The following ITGB3 variants were observed in gnomAD, a reference collection of about 807,000 sequenced individuals.
The protein encoded by ITGB3 is integrin subunit beta 3, also known as integrin beta-3.
Under a neutral mutation model 85.8 loss-of-function variants are expected in ITGB3, and 48 were observed. That is an observed-to-expected ratio of 0.56 (90% CI 0.44 to 0.71). The LOEUF (loss-of-function observed/expected upper bound fraction) is 0.71. Ranked by LOEUF, ITGB3 falls within the 30% of genes least tolerant of loss-of-function variation. The probability of loss-of-function intolerance (pLI) is 0.00; values close to 1 mark genes in which losing one functional copy is unlikely to be tolerated. For synonymous variants in ITGB3, 363 were observed against 395.6 expected (o/e 0.92, Z 0.98); for missense variants, 861 against 1,019.1 (o/e 0.84, Z 2.11).
Position 47,299,912 on chromosome 17 carries a change from T to G in ITGB3, c.1913+382T>G, listed in dbSNP as rs550033187. Among the ~76,000 whole-genome samples, 2,656 of 152,268 alleles carry G rather than the reference T, an allele frequency of 0.017. 69 individuals are homozygous for G. The highest frequency in any genetic ancestry group is 0.061 in the African/African-American group (2,540 of 41,544). On this transcript the variant is annotated intron_variant, in intron 11 of 14. Coordinates refer to ENST00000559488, the MANE Select transcript of ITGB3 (RefSeq NM_000212.3). This position sits in a 1 kb window ranked among gnomAD's most constrained non-coding sequence, Gnocchi z 5.1. ...GTGAAACTACTACAAACCTCCCACTTTAGGGGCCAGAGGAAGCCCCATCAG... is the reference window on the plus strand; with the variant it reads ...GTGAAACTACTACAAACCTCCCACTGTAGGGGCCAGAGGAAGCCCCATCAG...
At chr17:47,255,456 G>A (rs1397557244) in intron 1 of ITGB3, among the ~76,000 whole-genome samples, 1 of 151,730 alleles carries the variant, frequency 6.6e-6, no homozygotes, top group Non-Finnish European at 1.5e-5. Context: ...ATGGACTCTC[G>A]CTGTCGCCAG....
At chr17:47,261,953 C>A (rs1451007323) in intron 1 of ITGB3, among the ~76,000 whole-genome samples, 1 of 152,206 alleles carries the variant, frequency 6.6e-6, no homozygotes, top group Non-Finnish European at 1.5e-5. Context: ...TTTACTTAAC[C>A]AATTCCCTGT....
At chr17:47,308,277 A>G (rs969393343) in intron 14 of ITGB3, among the ~76,000 whole-genome samples, 44 of 152,114 alleles carry the variant, frequency 2.9e-4, no homozygotes, top group African/African-American at 1.0e-3. Context: ...AGAACTTTCT[A>G]TATACTTAAT....
rs752762243 is a variant in ITGB3 at position 47,284,408 on chromosome 17, A to T, written c.362-35A>T. ...TCTGCTTATTCAATCTTGGTGGGAG[A>T]AGAAGATAAAAACTAACATCTTTCT... On this transcript the variant is annotated intron_variant, in intron 3 of 14. Coordinates refer to ENST00000559488, the MANE Select transcript of ITGB3 (RefSeq NM_000212.3). The T allele has an allele frequency of 3.1e-6, 5 of 1,613,008 alleles. No homozygotes were observed. In the East Asian group the frequency reaches 1.1e-4, roughly 36 times the overall value.
intron 6 of ITGB3, among the ~76,000 whole-genome samples, chr17:47,288,217 A>AGAGG (rs1051962193): frequency 7.6e-6 from 1 of 132,326 alleles, no homozygotes; most frequent in African/African-American, 2.8e-5. Context: ...AGAGAGAGAG[A>AGAGG]GAGAGAGAGA....
Position 47,283,229 on chromosome 17 carries a change from C to T in ITGB3, c.166-125C>T, listed in dbSNP as rs1195580439. The T allele has an allele frequency of 7.5e-6, 7 of 933,890 alleles. No individual in the cohort carries two copies. In the East Asian group the frequency reaches 1.8e-4, roughly 24 times the overall value. The allele number at this position is 933,890 out of a possible 1,614,324, so 57.9% of individuals were successfully genotyped here. ...GGGATTATCCCAGGAAAGACCACAA[C>T]AATTTGTTTATGCTCCAATGTACGG... On this transcript the variant is annotated intron_variant, in intron 2 of 14. Transcript: ENST00000559488.
intron 1 of ITGB3, among the ~76,000 whole-genome samples, chr17:47,270,264 T>C (rs1441802882): frequency 6.6e-6 from 1 of 152,212 alleles, no homozygotes; most frequent in Non-Finnish European, 1.5e-5. Flanking sequence ...TGATGTCTTC[T>C]TGTGCTTCTG....
intron 1 of ITGB3, among the ~76,000 whole-genome samples, chr17:47,258,305 A>T (rs1299970463): frequency 6.6e-6 from 1 of 151,744 alleles, no homozygotes; most frequent in Non-Finnish European, 1.5e-5. Context: ...CAGGGAAATG[A>T]CTCTGTTTAG....
rs2065218516 is a variant in ITGB3, at chr17:47,312,320, AG to A, written c.*2117del. ...AACATTGAGAATAAGCCTTGGAATT[AG>A]ATATGGGGCAATGACTGAGCCCTGT... On this transcript the variant is annotated 3_prime_UTR_variant, in exon 15 of 15. Coordinates refer to ENST00000559488, the MANE Select transcript of ITGB3 (RefSeq NM_000212.3). Among the ~76,000 whole-genome samples, 2 of 152,238 alleles carry A rather than the reference AG, an allele frequency of 1.3e-5. No individual in the cohort carries two copies. Among genetic ancestry groups the A allele is most frequent in the African/African-American group, 4.8e-5 (2 of 41,454 alleles).
At chr17:47,304,433 T>C (rs555900030) in intron 13 of ITGB3, among the ~76,000 whole-genome samples, 1 of 152,358 alleles carries the variant, frequency 6.6e-6, no homozygotes, top group South Asian at 2.1e-4. Context: ...AAATGGAATT[T>C]AACCACATGG....
intron 2 of ITGB3, 47 bp downstream of exon 2, chr17:47,274,551 T>G: frequency 6.5e-7 from 1 of 1,538,994 alleles, no homozygotes. Flanking sequence ...ACTAAGCTGC[T>G]TTTGTGCAGA....
Position 47,299,581 on chromosome 17 carries a change from C to A in ITGB3, c.1913+51C>A. ...GGGAGGCTGGGAGGTAGGAGAGGAT[C>A]CCCTGACTAGAATCCCCAGCTCTCC... On this transcript the variant is annotated intron_variant, in intron 11 of 14. Transcript: ENST00000559488. This position sits in a 1 kb window ranked among gnomAD's most constrained non-coding sequence, Gnocchi z 5.1. The A allele has an allele frequency of 6.6e-7, 1 of 1,521,608 alleles. No homozygotes were observed. Among genetic ancestry groups the A allele is most frequent in the Non-Finnish European group, 9.1e-7 (1 of 1,102,712 alleles). The allele number at this position is 1,521,608 out of a possible 1,614,324, so 94.3% of individuals were successfully genotyped here. A position where few individuals can be genotyped will look rare whatever the true frequency, so the allele number is the denominator to read the frequency against.
intron 13 of ITGB3, among the ~76,000 whole-genome samples, chr17:47,304,484 G>A (rs888171796): frequency 2.6e-5 from 4 of 152,202 alleles, no homozygotes; most frequent in Admixed American, 1.3e-4. Context: ...CCCAGATGGG[G>A]TTACCAAATA....
intron 1 of ITGB3, among the ~76,000 whole-genome samples, chr17:47,267,174 A>C (rs1420153738): frequency 6.6e-6 from 1 of 152,204 alleles, no homozygotes; most frequent in Non-Finnish European, 1.5e-5. Flanking sequence ...AGAGTTTTAC[A>C]GGGTTTGGTT....
chr17:47,303,678 GC>G (rs1369226465), intron 13 of ITGB3: 6 of 152,352 alleles, frequency 3.9e-5, no homozygotes, highest in African/African-American at 1.4e-4. Context: ...CCTTCTGGGA[GC>G]AGGAGGAATC....
intron 1 of ITGB3, among the ~76,000 whole-genome samples, chr17:47,254,279 C>G (rs2064979760): frequency 6.6e-6 from 1 of 151,988 alleles, no homozygotes; most frequent in Non-Finnish European, 1.5e-5. Flanking sequence ...GCGGGTGGTC[C>G]TGGTCGGGCC....
rs1432667091 is a variant in ITGB3, at chr17:47,307,622, A to G, written c.2286A>G (p.Arg762=). The change falls in exon 14 of 15, where the codon AGA becomes AGG. Residue 762 remains arginine (R), a synonymous_variant. Transcript: ENST00000559488. The stretch of plus-strand genomic sequence containing the variant: ...CTAAATTTGAGGAAGAACGCGCCAG[A>G]GCAAAATGGGACACAGTAAGAGACG... ...EFAKFEEERA[R]AKWDTANNPL... 6.2e-7 allele frequency: 1 copy of G among 1,614,118 alleles called. No individual in the cohort carries two copies. The highest frequency in any genetic ancestry group is 1.3e-5 in the African/African-American group (1 of 74,944).
At chr17:47,292,889 T>C (rs1024905853) in intron 10 of ITGB3, among the ~76,000 whole-genome samples, 2 of 152,182 alleles carry the variant, frequency 1.3e-5, no homozygotes, top group Admixed American at 6.5e-5. Context: ...ATGCAAGACA[T>C]TGGAGTGTGC....
chr17:47,284,622 G>A lies in ITGB3; in HGVS notation c.541G>A (p.Ala181Thr). 1 of 1,614,076 alleles carries A rather than the reference G, an allele frequency of 6.2e-7. No homozygotes were observed. Among genetic ancestry groups the A allele is most frequent in the African/African-American group, 1.3e-5 (1 of 74,994 alleles). The change falls in exon 4 of 15, where the codon GCA becomes ACA. Residue 181 changes from alanine to threonine, a missense_variant. Transcript: ENST00000559488. Reference sequence around the variant, plus strand: ...CAGTAACCTGCGGATTGGCTTCGGGGCATTTGTGGACAAGCCTGTGTCACC... The same window carrying A: ...CAGTAACCTGCGGATTGGCTTCGGGACATTTGTGGACAAGCCTGTGTCACC... The part of the protein sequence containing the change: ...LTSNLRIGFG[A>T]FVDKPVSPYM...
Sources: gnomAD v4.1 joint callset for allele counts (sites outside exome capture counted in the v4.1 genomes callset) on GRCh38, gnomAD v4.1.1 for gene constraint, Gnocchi (gnomAD v3.1) non-coding constraint, MANE v1.5 for transcripts, NCBI Gene and HGNC (gene_info 2026-07-23, HGNC 2026-07-21) for gene names.